SLC4A10: variants seen among roughly 807,000 people sequenced by gnomAD.
The protein encoded by SLC4A10 is sodium-driven chloride bicarbonate exchanger.
SLC4A10 carries 42 observed loss-of-function variants against 137.7 expected under a neutral mutation model. The ratio of observed to expected loss-of-function variants is 0.30; its 90% confidence interval spans 0.24 to 0.39. The LOEUF is 0.39. Ranked by LOEUF, SLC4A10 falls within the 10% of genes least tolerant of loss-of-function variation. The probability of loss-of-function intolerance (pLI) is 1.00; values close to 1 mark genes in which losing one functional copy is unlikely to be tolerated. For missense variants in SLC4A10, 925 were observed against 1,355.0 expected, an observed-to-expected ratio of 0.68 and a Z score of 4.98; for synonymous variants, 474 against 464.1, an observed-to-expected ratio of 1.02 and a Z score of -0.27.
chr2:161,786,933 T>C (rs1172024359), intron 2 of SLC4A10, among the ~76,000 whole-genome samples: 2 of 152,006 alleles, frequency 1.3e-5, no homozygotes, highest in Non-Finnish European at 2.9e-5. Context: ...CTTTGCAGTC[T>C]CAGTGGTGTA....
chr2:161,979,779 T>C (rs1282028731), intron 26 of SLC4A10, among the ~76,000 whole-genome samples: 1 of 152,214 alleles, frequency 6.6e-6, no homozygotes, highest in African/African-American at 2.4e-5. Flanking sequence ...AGTCCTGAGC[T>C]GGCACCCATG....
chr2:161,685,932 C>A (rs1238139799), intron 1 of SLC4A10, among the ~76,000 whole-genome samples: 4 of 152,088 alleles, frequency 2.6e-5, no homozygotes, highest in Admixed American at 2.6e-4. Flanking sequence ...ACGGTCCCTG[C>A]CTTCAAGGAG....
intron 7 of SLC4A10, 119 bp from the exon 8 acceptor site, chr2:161,873,797 C>T: frequency 3.1e-6 from 3 of 976,388 alleles, no homozygotes; most frequent in Admixed American, 2.3e-5. Context: ...GTTTCAGAAT[C>T]CCTCTGACAA....
Position 161,767,139 on chromosome 2 carries a change from A to ATATATG in SLC4A10, c.49-3833_49-3832insATATGT, listed in dbSNP as rs1362865580. On this transcript the variant is annotated intron_variant, in intron 1 of 26. Coordinates refer to ENST00000446997, the MANE Select transcript of SLC4A10 (RefSeq NM_001178015.2). ...TATATATATATATATATATATATAT[A>ATATATG]TGTGTGTGTGTGTGTGTGTGTGTGT... is the stretch of plus-strand genomic sequence containing the variant. 4.0e-3 allele frequency among the ~76,000 whole-genome samples: 228 copies of ATATATG among 57,008 alleles called. 2 individuals are homozygous for ATATATG. The highest frequency in any genetic ancestry group is 0.011 in the Middle Eastern group (1 of 88). The allele number at this position is 57,008 out of a possible 152,430, so 37.4% of individuals were successfully genotyped here. A position where few individuals can be genotyped will look rare whatever the true frequency, so the allele number is the denominator to read the frequency against.
At chr2:161,909,356 GC>G (rs1685269011) in intron 15 of SLC4A10, among the ~76,000 whole-genome samples, 1 of 152,128 alleles carries the variant, frequency 6.6e-6, no homozygotes. Context: ...ATCAATGTGA[GC>G]ATCTAAAACC....
At chr2:161,788,323 A>T (rs914515140) in intron 2 of SLC4A10, among the ~76,000 whole-genome samples, 11 of 152,114 alleles carry the variant, frequency 7.2e-5, no homozygotes, top group African/African-American at 2.4e-4. Flanking sequence ...CACTAGTACT[A>T]TACCCTTCTG....
At chr2:161,647,482 C>A (rs182046781) in intron 1 of SLC4A10, among the ~76,000 whole-genome samples, 63 of 152,006 alleles carry the variant, frequency 4.1e-4, no homozygotes, top group Non-Finnish European at 7.7e-4. Context: ...TATCTTAGAT[C>A]ATTTACTGTG....
intron 1 of SLC4A10, among the ~76,000 whole-genome samples, chr2:161,732,720 GA>G (rs1217102142): frequency 6.6e-5 from 10 of 152,290 alleles, no homozygotes; most frequent in African/African-American, 2.4e-4. Context: ...AAGAAGACAG[GA>G]AAATGTGGGC....
chr2:161,733,338 T>C (rs979658431), intron 1 of SLC4A10, among the ~76,000 whole-genome samples: 2 of 152,186 alleles, frequency 1.3e-5, no homozygotes, highest in African/African-American at 4.8e-5. Context: ...CAGCCATGGC[T>C]GAAAGGGGCC....
chr2:161,862,011 A>T (rs1165194777), intron 5 of SLC4A10, among the ~76,000 whole-genome samples: 6 of 152,254 alleles, frequency 3.9e-5, no homozygotes, highest in Non-Finnish European at 1.5e-5. Flanking sequence ...AAAAACAATT[A>T]GAGTTAATGT....
chr2:161,969,298 AG>A (rs1301599546), intron 23 of SLC4A10, among the ~76,000 whole-genome samples: 5 of 152,180 alleles, frequency 3.3e-5, no homozygotes, highest in Non-Finnish European at 7.4e-5. Context: ...AAGGTCGCAG[AG>A]CTTCTGTTCC....
intron 1 of SLC4A10, among the ~76,000 whole-genome samples, chr2:161,746,599 C>A (rs2048410653): frequency 6.6e-6 from 1 of 152,042 alleles, no homozygotes; most frequent in African/African-American, 2.4e-5. Context: ...GAGCTGGTAC[C>A]CAAGTTACCA....
chr2:161,763,545 C>T (rs184294102), intron 1 of SLC4A10, among the ~76,000 whole-genome samples: 2 of 152,156 alleles, frequency 1.3e-5, no homozygotes, highest in Non-Finnish European at 2.9e-5. Context: ...ACCCCTAGGC[C>T]TAAAGGAATG....
intron 4 of SLC4A10, among the ~76,000 whole-genome samples, chr2:161,847,009 G>A (rs2059537224): frequency 6.6e-6 from 1 of 151,780 alleles, no homozygotes; most frequent in Non-Finnish European, 1.5e-5. Context: ...AGCTAAGGCA[G>A]GAGGATTACT....
At chr2:161,801,391 C>T (rs2055350462) in intron 2 of SLC4A10, among the ~76,000 whole-genome samples, 3 of 151,950 alleles carry the variant, frequency 2.0e-5, no homozygotes, top group African/African-American at 7.2e-5. Flanking sequence ...TACTATTTCT[C>T]TTATCTTTCT....
intron 1 of SLC4A10, among the ~76,000 whole-genome samples, chr2:161,699,132 G>C (rs896392931): frequency 1.3e-5 from 2 of 152,130 alleles, no homozygotes; most frequent in African/African-American, 4.8e-5. Flanking sequence ...CCATTCTCCT[G>C]TCTCAGCTTC....
At chr2:161,979,153 A>C (rs1196709684) in intron 26 of SLC4A10, among the ~76,000 whole-genome samples, 2 of 152,094 alleles carry the variant, frequency 1.3e-5, no homozygotes, top group Non-Finnish European at 2.9e-5. Context: ...CCTGTAAAAA[A>C]TTTTCTTCCT....
At chr2:161,840,817 T>G (rs2059134360) in intron 4 of SLC4A10, among the ~76,000 whole-genome samples, 1 of 152,186 alleles carries the variant, frequency 6.6e-6, no homozygotes, top group Non-Finnish European at 1.5e-5. Context: ...GTAGACTTAG[T>G]AGGCCTCAGG....
At chr2:161,958,787 G>A (rs986651070) in intron 21 of SLC4A10, among the ~76,000 whole-genome samples, 8 of 152,080 alleles carry the variant, frequency 5.3e-5, no homozygotes, top group African/African-American at 1.7e-4. Flanking sequence ...AACTGTAAGA[G>A]GCTTAGATTT....
Sources: allele counts gnomAD v4.1 joint callset (sites outside exome capture counted in the v4.1 genomes callset), GRCh38; gene constraint gnomAD v4.1.1; transcripts MANE v1.5; gene names NCBI Gene and HGNC (gene_info 2026-07-23, HGNC 2026-07-21).